MMEL1: variants seen among roughly 807,000 people sequenced by gnomAD.
MMEL1 encodes membrane metallo-endopeptidase-like 1.
In MMEL1, 98 loss-of-function variants were observed where a neutral mutation model predicts 117.1. The observed-to-expected ratio is 0.84, with a 90% confidence interval of 0.71 to 0.99. The LOEUF is 0.99. Among genes scored for constraint, MMEL1 ranks in the 50% least tolerant of loss-of-function variants. The pLI is 0.00. For missense variants in MMEL1, 1,014 were observed against 1,049.1 expected (o/e 0.97, Z 0.46); for synonymous variants, 390 against 415.1 (o/e 0.94, Z 0.74).
chr1:2,608,664 C>A (rs1488920433), intron 6 of MMEL1, among the ~76,000 whole-genome samples: 4 of 151,560 alleles, frequency 2.6e-5, no homozygotes, highest in African/African-American at 9.7e-5. Flanking sequence ...CACAACACAC[C>A]CATAGAATAC....
intron 2 of MMEL1, among the ~76,000 whole-genome samples, chr1:2,626,588 T>A (rs1638294358): frequency 6.6e-6 from 1 of 152,284 alleles, no homozygotes; most frequent in Non-Finnish European, 1.5e-5. Flanking sequence ...AGATTTGGCC[T>A]ATGGGCCATA....
At chr1:2,613,633 G>A (rs1460842236) in intron 2 of MMEL1, among the ~76,000 whole-genome samples, 2 of 152,148 alleles carry the variant, frequency 1.3e-5, no homozygotes, top group African/African-American at 4.8e-5. Flanking sequence ...CTTCCCAGGA[G>A]AGGAGAGGCC....
intron 23 of MMEL1, chr1:2,591,346 C>A: frequency 1.7e-6 from 1 of 600,964 alleles, no homozygotes; most frequent in Non-Finnish European, 3.0e-6. Flanking sequence ...TCGCAGCCTG[C>A]GGTAGGCTCC....
intron 2 of MMEL1, among the ~76,000 whole-genome samples, chr1:2,615,188 A>T (rs1033847688): frequency 3.3e-5 from 5 of 152,224 alleles, no homozygotes; most frequent in African/African-American, 1.2e-4. Context: ...TGAGCTGCAC[A>T]CAGTGGCTTC....
Position 2,604,120 on chromosome 1 carries a change from GCTCCCCACCCGCCC to G in MMEL1, c.951+13_951+26del. ...GGGGCTCCCAGCCCACTCGCTGCCC[GCTCCCCACCCGCCC>G]CGGCCCCCTTACCTTGGCCAGCTGT... On this transcript the variant is annotated intron_variant, in intron 10 of 23. Coordinates refer to ENST00000378412, the MANE Select transcript of MMEL1 (RefSeq NM_033467.4). The G allele has an allele frequency of 3.8e-6, 5 of 1,329,986 alleles. No individual in the cohort carries two copies. Among genetic ancestry groups the G allele is most frequent in the Non-Finnish European group, 5.4e-6 (5 of 930,842 alleles). 82.4% of individuals were successfully genotyped at this position (1,329,986 alleles called of 1,614,324 possible).
At chr1:2,604,008 C>T (rs1164132616) in intron 10 of MMEL1, 35 bp from the exon 11 acceptor site, 1 of 1,608,662 alleles carries the variant, frequency 6.2e-7, no homozygotes. Flanking sequence ...GGGCGGGTGG[C>T]CAGGATGCCC....
At chr1:2,630,335 C>CGTGTGCATGTGTATGACTGTGCGT (rs1557565186) in intron 1 of MMEL1, 1 of 152,326 alleles carries the variant, frequency 6.6e-6, no homozygotes, top group African/African-American at 2.4e-5. Flanking sequence ...TGTAGTTGGG[C>CGTGTGCATGTGTATGACTGTGCGT]GTGTGCATGT....
intron 6 of MMEL1, among the ~76,000 whole-genome samples, chr1:2,607,869 G>A (rs1028705038): frequency 1.3e-5 from 2 of 152,116 alleles, no homozygotes; most frequent in Non-Finnish European, 2.9e-5. Flanking sequence ...GAGGCTGCCT[G>A]TGATGAGGCA....
chr1:2,628,046 G>A (rs1287123609), intron 2 of MMEL1, among the ~76,000 whole-genome samples: 1 of 152,242 alleles, frequency 6.6e-6, no homozygotes, highest in Non-Finnish European at 1.5e-5. Context: ...CCCACAGCTG[G>A]GGGTGTGTGT....
At chr1:2,596,456 G>C in intron 14 of MMEL1, 105 bp downstream of exon 14, 1 of 1,471,194 alleles carries the variant, frequency 6.8e-7, no homozygotes, top group South Asian at 1.3e-5. Flanking sequence ...GGTGAGCTGG[G>C]GCAGGTGCCC....
intron 4 of MMEL1, among the ~76,000 whole-genome samples, chr1:2,610,803 G>A (rs557492468): frequency 2.6e-5 from 4 of 152,300 alleles, no homozygotes; most frequent in African/African-American, 9.6e-5. Context: ...GGGACCTCAC[G>A]GAAGGCGTGT....
At chr1:2,606,483 C>T (rs1054538137) in intron 7 of MMEL1, 117 bp from the exon 8 acceptor site, 1 of 700,726 alleles carries the variant, frequency 1.4e-6, no homozygotes, top group Non-Finnish European at 2.4e-6. Context: ...GTGGGGAGCT[C>T]ACCTGTGCGC....
chr1:2,609,460 C>T (rs1351236203), intron 5 of MMEL1, 41 bp from the exon 6 acceptor site: 1 of 1,587,166 alleles, frequency 6.3e-7, no homozygotes, highest in South Asian at 1.1e-5. Flanking sequence ...CCTGACGAGG[C>T]TGCAGGGGCC....
At chr1:2,614,902 C>T (rs1296819274) in intron 2 of MMEL1, among the ~76,000 whole-genome samples, 1 of 151,230 alleles carries the variant, frequency 6.6e-6, no homozygotes, top group Non-Finnish European at 1.5e-5. Flanking sequence ...AAAGTGCTCC[C>T]CCCCAAAAAA....
At chr1:2,619,655 C>CAAA (rs58007311) in intron 2 of MMEL1, among the ~76,000 whole-genome samples, 4 of 119,794 alleles carry the variant, frequency 3.3e-5, no homozygotes, top group Non-Finnish European at 3.6e-5. Flanking sequence ...GAGACTCTAT[C>CAAA]AAAAAAAAAA....
At position 2,606,966 on chromosome 1, in the gene MMEL1, G is replaced by A. The variant is rs564209993; in HGVS notation, c.631+8C>T. 5 of 1,610,768 alleles carry A rather than the reference G, an allele frequency of 3.1e-6. No individual in the cohort carries two copies. The highest frequency in any genetic ancestry group is 1.1e-5 in the South Asian group (1 of 91,048). ...TGTCTGTGAGGCTGCTGCCAGGCCC[G>A]GCCTTACCTACGGTCTCGTTCCACC... On this transcript the variant is annotated splice_region_variant and intron_variant, in intron 7 of 23. Coordinates refer to ENST00000378412, the MANE Select transcript of MMEL1 (RefSeq NM_033467.4).
Position 2,595,134 on chromosome 1 carries a change from G to A in MMEL1, c.1584+142C>T, listed in dbSNP as rs1557521407. The A allele has an allele frequency of 2.6e-6, 2 of 767,050 alleles. No individual in the cohort carries two copies. The highest frequency in any genetic ancestry group is 5.3e-5 in the East Asian group (2 of 37,802). The allele number at this position is 767,050 out of a possible 1,614,324, so 47.5% of individuals were successfully genotyped here. The stretch of plus-strand genomic sequence containing the variant: ...TCTGTACACTGAGGGTAGTGCTGGA[G>A]CCACCACCCTAGGGCACGGTGAGGA... On this transcript the variant is annotated intron_variant, in intron 16 of 23. Transcript: ENST00000378412. The surrounding 1 kb of genome is among the most constrained non-coding windows in gnomAD (Gnocchi z 4.8).
At chr1:2,614,038 G>A (rs1448643490) in intron 2 of MMEL1, among the ~76,000 whole-genome samples, 2 of 152,062 alleles carry the variant, frequency 1.3e-5, no homozygotes, top group Non-Finnish European at 2.9e-5. Flanking sequence ...AGTTTTGGGG[G>A]CAAAAAATGA....
At chr1:2,614,095 TG>T (rs1404791159) in intron 2 of MMEL1, among the ~76,000 whole-genome samples, 1 of 152,202 alleles carries the variant, frequency 6.6e-6, no homozygotes, top group Non-Finnish European at 1.5e-5. Context: ...TACGATACTG[TG>T]GTGGTGAATG....
Sources: gnomAD v4.1 joint callset for allele counts (sites outside exome capture counted in the v4.1 genomes callset) on GRCh38, gnomAD v4.1.1 for gene constraint, Gnocchi (gnomAD v3.1) non-coding constraint, MANE v1.5 for transcripts, NCBI Gene and HGNC (gene_info 2026-07-23, HGNC 2026-07-21) for gene names.